Variants in PREP observed in about 807,000 individuals in gnomAD.
PREP encodes the protein prolyl endopeptidase.
Under a neutral mutation model 87.6 loss-of-function variants are expected in PREP, and 29 were observed. The observed-to-expected ratio is 0.33, with a 90% CI of 0.25 to 0.45. The LOEUF (loss-of-function observed/expected upper bound fraction) is 0.45. Ranked by LOEUF, PREP falls within the 20% of genes least tolerant of loss-of-function variation. The pLI is 1.00. For missense variants in PREP, 695 were observed against 886.5 expected, an observed-to-expected ratio of 0.78 and a Z score of 2.74; for synonymous variants, 337 against 328.6, an observed-to-expected ratio of 1.03 and a Z score of -0.28.
Position 105,275,463 on chromosome 6 carries a change from G to A in PREP, c.*2681C>T, listed in dbSNP as rs1149302. 0.28 allele frequency among the ~76,000 whole-genome samples: 42,824 copies of A among 152,152 alleles called. 9,562 individuals carry two copies. The highest frequency in any genetic ancestry group is 0.63 in the African/African-American group (25,922 of 41,456). ...AACAAATGCTCTGGTGTGCTTAGCA[G>A]GGCCTTGTGACAAAGCAGTGAGGCC... On this transcript the variant is annotated 3_prime_UTR_variant, in exon 15 of 15. Coordinates refer to ENST00000652536, the MANE Select transcript of PREP (RefSeq NM_002726.5).
chr6:105,394,640 G>C (rs1430793285), intron 2 of PREP, among the ~76,000 whole-genome samples: 1 of 152,084 alleles, frequency 6.6e-6, no homozygotes, highest in African/African-American at 2.4e-5. Flanking sequence ...ATATAAAATC[G>C]GTAGCAGTAG....
intron 4 of PREP, among the ~76,000 whole-genome samples, chr6:105,375,430 C>T (rs1299246859): frequency 6.6e-6 from 1 of 152,150 alleles, no homozygotes; most frequent in African/African-American, 2.4e-5. Flanking sequence ...AAATACAGAA[C>T]TGGAGAATAA....
At chr6:105,398,009 T>C (rs970985452) in intron 1 of PREP, 82 bp from the exon 2 acceptor site, 13 of 1,114,758 alleles carry the variant, frequency 1.2e-5, no homozygotes, top group African/African-American at 1.6e-5. Context: ...AATGGAGAAA[T>C]AGGAAAGGGA....
At chr6:105,370,969 A>G (rs1772525177) in intron 5 of PREP, among the ~76,000 whole-genome samples, 1 of 152,208 alleles carries the variant, frequency 6.6e-6, no homozygotes, top group African/African-American at 2.4e-5. Context: ...ATTTGTTCAG[A>G]CCTTCAGAAT....
chr6:105,372,981 C>T (rs776109342), intron 5 of PREP, among the ~76,000 whole-genome samples: 11 of 152,196 alleles, frequency 7.2e-5, no homozygotes, highest in African/African-American at 2.4e-4. Context: ...TTCAGCTCCC[C>T]GTCTTGCAAT....
At chr6:105,377,633 TC>T (rs1442347476) in intron 2 of PREP, 114 bp from the exon 3 acceptor site, 2 of 1,095,812 alleles carry the variant, frequency 1.8e-6, no homozygotes, top group African/African-American at 3.2e-5. Flanking sequence ...CAGTGCCTCT[TC>T]TCTCTCATTA....
chr6:105,303,895 T>C (rs1770598801), intron 10 of PREP, among the ~76,000 whole-genome samples: 1 of 152,226 alleles, frequency 6.6e-6, no homozygotes, highest in Non-Finnish European at 1.5e-5. Flanking sequence ...ACAACAGAGT[T>C]TTCTTTAGTT....
At chr6:105,310,123 C>A (rs551017744) in intron 10 of PREP, among the ~76,000 whole-genome samples, 1 of 151,994 alleles carries the variant, frequency 6.6e-6, no homozygotes, top group South Asian at 2.1e-4. Flanking sequence ...GAAAAGTAAT[C>A]GGAAGAAGAG....
chr6:105,387,543 A>T (rs1038092401), intron 2 of PREP, among the ~76,000 whole-genome samples: 2 of 151,790 alleles, frequency 1.3e-5, no homozygotes, highest in African/African-American at 4.8e-5. Flanking sequence ...CCTGGGCCAC[A>T]CTGGAAGAAG....
chr6:105,402,932 T>G lies in PREP; in HGVS notation c.-41A>C. ...GGGGGCAGCGTGGAGGGGCGCGGGC[T>G]CCGGGAGCGGACCTGAGCTAGCCGG... On this transcript the variant is annotated 5_prime_UTR_variant, in exon 1 of 15. Transcript: ENST00000652536. 2 of 1,287,834 alleles carry G rather than the reference T, an allele frequency of 1.6e-6. No homozygotes were observed. Among genetic ancestry groups the G allele is most frequent in the Non-Finnish European group, 2.1e-6 (2 of 944,616 alleles). The allele number at this position is 1,287,834 out of a possible 1,614,324, so 79.8% of individuals were successfully genotyped here.
chr6:105,368,173 T>A (rs1171610773), intron 6 of PREP, among the ~76,000 whole-genome samples: 1 of 152,220 alleles, frequency 6.6e-6, no homozygotes, highest in East Asian at 1.9e-4. Context: ...TTGTAGTACA[T>A]TTCTCATTCC....
At chr6:105,289,294 G>C (rs1770248971) in intron 10 of PREP, among the ~76,000 whole-genome samples, 1 of 152,068 alleles carries the variant, frequency 6.6e-6, no homozygotes, top group South Asian at 2.1e-4. Flanking sequence ...GTGCTGGGAG[G>C]GGCACATTTG....
At chr6:105,370,539 T>C (rs1772509306) in intron 5 of PREP, among the ~76,000 whole-genome samples, 1 of 151,772 alleles carries the variant, frequency 6.6e-6, no homozygotes, top group African/African-American at 2.4e-5. Context: ...CCCAAAGGAG[T>C]TGAAAACTTG....
At chr6:105,341,862 A>T (rs1771660818) in intron 7 of PREP, among the ~76,000 whole-genome samples, 1 of 152,216 alleles carries the variant, frequency 6.6e-6, no homozygotes, top group Non-Finnish European at 1.5e-5. Flanking sequence ...CCCTGAATAG[A>T]CTAATAACAG....
intron 10 of PREP, among the ~76,000 whole-genome samples, chr6:105,304,056 C>G (rs759616808): frequency 6.6e-6 from 1 of 152,190 alleles, no homozygotes; most frequent in African/African-American, 2.4e-5. Context: ...ACAGTTGGCT[C>G]TCTACATCCA....
At chr6:105,391,135 C>T (rs1366461825) in intron 2 of PREP, among the ~76,000 whole-genome samples, 1 of 113,688 alleles carries the variant, frequency 8.8e-6, no homozygotes, top group Admixed American at 7.5e-5. Flanking sequence ...CTTTGGGAGG[C>T]TGAGGGCTGA....
At chr6:105,346,052 T>A (rs948464079) in intron 7 of PREP, among the ~76,000 whole-genome samples, 4 of 152,082 alleles carry the variant, frequency 2.6e-5, no homozygotes, top group African/African-American at 9.7e-5. Flanking sequence ...GTTTTTATAC[T>A]GTCTTTTGAT....
At chr6:105,323,611 G>A in intron 10 of PREP, 54 bp downstream of exon 10, 1 of 1,467,286 alleles carries the variant, frequency 6.8e-7, no homozygotes. Flanking sequence ...GAATGGCCCA[G>A]CCTGAAAGTC....
At chr6:105,367,657 G>A (rs1772423095) in intron 6 of PREP, among the ~76,000 whole-genome samples, 1 of 145,720 alleles carries the variant, frequency 6.9e-6, no homozygotes, top group Admixed American at 6.8e-5. Flanking sequence ...GGGCGACAGA[G>A]CGAGACTCCG....
Sources: gnomAD v4.1 joint callset for allele counts (sites outside exome capture counted in the v4.1 genomes callset) on GRCh38, gnomAD v4.1.1 for gene constraint, MANE v1.5 for transcripts, NCBI Gene and HGNC (gene_info 2026-07-23, HGNC 2026-07-21) for gene names.